Variants in CHST8 observed in about 807,000 individuals in gnomAD.
CHST8 encodes the protein carbohydrate sulfotransferase 8.
Under a neutral mutation model 15.0 loss-of-function variants are expected in CHST8, and 10 were observed. The ratio of observed to expected loss-of-function variants is 0.67; its 90% CI spans 0.41 to 1.13. The LOEUF (loss-of-function observed/expected upper bound fraction) is 1.13, where lower values mean the gene tolerates loss of function less well. CHST8 is among the 50% of genes most tolerant of loss of function. The probability of loss-of-function intolerance (pLI) is 0.00; values close to 1 mark genes in which losing one functional copy is unlikely to be tolerated. For missense variants in CHST8, 634 were observed against 608.2 expected (o/e 1.04, Z -0.45); for synonymous variants, 259 against 256.6 (o/e 1.01, Z -0.09).
chr19:33,744,069 G>A (rs1300078165), intron 3 of CHST8, among the ~76,000 whole-genome samples: 1 of 152,184 alleles, frequency 6.6e-6, no homozygotes, highest in Non-Finnish European at 1.5e-5. Flanking sequence ...GGGATTACAG[G>A]CATGAGCCCC....
chr19:33,746,022 C>T (rs1285391014), intron 3 of CHST8, among the ~76,000 whole-genome samples: 2 of 152,218 alleles, frequency 1.3e-5, no homozygotes, highest in Non-Finnish European at 2.9e-5. Context: ...TTTGCTTATT[C>T]AAGGATCATT....
rs549015572 is a variant in CHST8, at chr19:33,772,026, T to A, written c.238T>A (p.Ser80Thr). ...CACAGAGAGGGTCACTCGGGACTTA[T>A]CCAGTGGGGCCCCGAGGGGCCGCAA... ...EPTERVTRDLSSGAPRGRNLP... is the reference protein window; with the variant it reads ...EPTERVTRDLTSGAPRGRNLP... Residue 80 changes from serine (S) to threonine (T), a missense_variant, in exon 5 of 5, where the codon TCC (serine) becomes ACC (threonine). Transcript: ENST00000650847. 5.0e-6 allele frequency: 8 copies of A among 1,611,632 alleles called. No homozygotes were observed. Among genetic ancestry groups the A allele is most frequent in the Non-Finnish European group, 6.8e-6 (8 of 1,179,462 alleles).
At chr19:33,711,103 A>C (rs59839656) in intron 3 of CHST8, among the ~76,000 whole-genome samples, 4,389 of 152,210 alleles carry the variant, frequency 0.029, 154 homozygotes, top group African/African-American at 0.081. Context: ...AACTCCTGAT[A>C]TCAAGCAATC....
chr19:33,671,492 A>G (rs1345667829), intron 2 of CHST8, among the ~76,000 whole-genome samples: 1 of 152,074 alleles, frequency 6.6e-6, no homozygotes. Context: ...AGCCAAAATC[A>G]CTGGAGTGGC....
intron 3 of CHST8, among the ~76,000 whole-genome samples, chr19:33,751,586 G>A (rs1315315286): frequency 6.6e-6 from 1 of 152,142 alleles, no homozygotes; most frequent in Non-Finnish European, 1.5e-5. Context: ...GACGTTCTGT[G>A]AACCCCCCAG....
intron 3 of CHST8, among the ~76,000 whole-genome samples, chr19:33,721,193 A>AT (rs2145309889): frequency 6.6e-6 from 1 of 152,264 alleles, no homozygotes; most frequent in Admixed American, 6.5e-5. Flanking sequence ...TGGAAACCCT[A>AT]TTGCAGGGTC....
Position 33,757,423 on chromosome 19 carries a change from A to AG in CHST8, c.131-13990_131-13989insG, listed in dbSNP as rs1974577535. 1.7e-4 allele frequency among the ~76,000 whole-genome samples: 2 copies of AG among 11,712 alleles called. 1 individual carries two copies. Among genetic ancestry groups the AG allele is most frequent in the African/African-American group, 6.6e-4 (2 of 3,046 alleles). 7.7% of individuals were successfully genotyped at this position (11,712 alleles called of 152,430 possible). On this transcript the variant is annotated intron_variant, in intron 3 of 4. Coordinates refer to ENST00000650847, the MANE Select transcript of CHST8 (RefSeq NM_001127895.2). The stretch of plus-strand genomic sequence containing the variant: ...GAAAGAAAGAAAGAAAGAAAGAAAG[A>AG]AAGAAAGAAAGAAAGAAAGAAAGAA...
chr19:33,695,421 A>G (rs1973190546), intron 3 of CHST8, among the ~76,000 whole-genome samples: 1 of 152,154 alleles, frequency 6.6e-6, no homozygotes, highest in South Asian at 2.1e-4. Flanking sequence ...TACTACTTTT[A>G]AAATTTCAAT....
rs747129678 is a variant in CHST8, at chr19:33,772,665, G to C, written c.877G>C (p.Ala293Pro). Residue 293 changes from alanine to proline, a missense_variant, in exon 5 of 5, where the codon GCC becomes CCC. By Grantham distance (27) the Ala-to-Pro change is conservative (BLOSUM62 -1). Transcript: ENST00000650847. ...CAAGGCCATCCTGGCCCGGTACCGC[G>C]CCAATGCCTCTCGGGAGGCCCTGCG... ...FGKAILARYR[A>P]NASREALRTG... The C allele has an allele frequency of 2.4e-5, 39 of 1,613,742 alleles. 2 individuals carry two copies. Among genetic ancestry groups the C allele is most frequent in the Middle Eastern group, 3.3e-4 (2 of 6,084 alleles).
intron 3 of CHST8, among the ~76,000 whole-genome samples, chr19:33,756,509 C>A (rs1974550007): frequency 6.6e-6 from 1 of 152,186 alleles, no homozygotes; most frequent in Non-Finnish European, 1.5e-5. Context: ...CCCCCAAGGG[C>A]TCCTCCATTC....
intron 3 of CHST8, among the ~76,000 whole-genome samples, chr19:33,696,094 G>A (rs552420411): frequency 6.6e-6 from 1 of 151,946 alleles, no homozygotes; most frequent in Non-Finnish European, 1.5e-5. Flanking sequence ...CCAAAGTGCT[G>A]GGATTGCAGG....
chr19:33,644,070 C>G (rs1184559924), intron 1 of CHST8, among the ~76,000 whole-genome samples: 1 of 152,086 alleles, frequency 6.6e-6, no homozygotes, highest in East Asian at 1.9e-4. Flanking sequence ...GTAGCTGGGA[C>G]TACAGGCACC....
rs1325197337 is a variant in CHST8, at chr19:33,690,643, C to T, written c.130+1252C>T. On this transcript the variant is annotated intron_variant, in intron 3 of 4. Coordinates refer to ENST00000650847, the MANE Select transcript of CHST8 (RefSeq NM_001127895.2). ...TGGGCGAGTCATCGGTGCTGACTCACGCCTGTGCCGGGCCCCCACAGGTGG... is the reference window on the plus strand; with the variant it reads ...TGGGCGAGTCATCGGTGCTGACTCATGCCTGTGCCGGGCCCCCACAGGTGG... Among the ~76,000 whole-genome samples the T allele has an allele frequency of 5.9e-5, 9 of 152,322 alleles. No individual in the cohort carries two copies. The East Asian group carries it at 7.7e-4, about 13-fold the overall frequency.
chr19:33,660,523 C>T (rs1972573039), intron 1 of CHST8, among the ~76,000 whole-genome samples: 1 of 152,136 alleles, frequency 6.6e-6, no homozygotes, highest in African/African-American at 2.4e-5. Flanking sequence ...CTGGTGGAAA[C>T]CAGCAGATGG....
At chr19:33,710,872 GTTT>G (rs10532515) in intron 3 of CHST8, among the ~76,000 whole-genome samples, 19 of 138,654 alleles carry the variant, frequency 1.4e-4, no homozygotes, top group South Asian at 4.7e-4. Flanking sequence ...AATTTCTGGA[GTTT>G]TTTTTTTTTT....
At chr19:33,677,568 C>T (rs960379212) in intron 2 of CHST8, among the ~76,000 whole-genome samples, 11 of 152,206 alleles carry the variant, frequency 7.2e-5, no homozygotes, top group Non-Finnish European at 1.5e-4. Flanking sequence ...TGTTCCTCCA[C>T]CCCAGGGCAG....
intron 1 of CHST8, among the ~76,000 whole-genome samples, chr19:33,623,053 G>T (rs1400761398): frequency 6.6e-6 from 1 of 152,180 alleles, no homozygotes; most frequent in Non-Finnish European, 1.5e-5. Context: ...GGCCAGCCGG[G>T]CCAGGAGGGC....
intron 2 of CHST8, among the ~76,000 whole-genome samples, chr19:33,673,898 C>T (rs1972775934): frequency 1.3e-5 from 2 of 152,184 alleles, no homozygotes; most frequent in African/African-American, 4.8e-5. Flanking sequence ...GGAATACAGG[C>T]TCGCGCCATC....
intron 3 of CHST8, among the ~76,000 whole-genome samples, chr19:33,723,367 C>T (rs923298652): frequency 6.6e-6 from 1 of 152,184 alleles, no homozygotes; most frequent in Non-Finnish European, 1.5e-5. Context: ...TGTGTGCACG[C>T]GTGTGTCTAC....
Sources: gnomAD v4.1 joint callset for allele counts (sites outside exome capture counted in the v4.1 genomes callset) on GRCh38, gnomAD v4.1.1 for gene constraint, MANE v1.5 for transcripts, NCBI Gene and HGNC (gene_info 2026-07-23, HGNC 2026-07-21) for gene names.